PEX26: variants seen among roughly 807,000 people sequenced by gnomAD.
PEX26 encodes the protein peroxisome assembly protein 26.
Under a neutral mutation model 31.4 loss-of-function variants are expected in PEX26, and 18 were observed. That is an observed-to-expected ratio of 0.57 (90% confidence interval 0.40 to 0.85). The LOEUF is 0.85. Among genes scored for constraint, PEX26 ranks in the 40% least tolerant of loss-of-function variants. The pLI, the probability that PEX26 is intolerant of heterozygous loss-of-function variation, is 0.00. For missense variants in PEX26, 377 were observed against 383.9 expected, an observed-to-expected ratio of 0.98 and a Z score of 0.15; for synonymous variants, 176 against 166.9, an observed-to-expected ratio of 1.05 and a Z score of -0.42.
rs1927542386 is a variant in PEX26, at chr22:18,104,119, G to A, written c.*16044G>A. ...GGTTAGGAGGAAAATGCCCAGAAAG[G>A]GGAACAGTTAATCATCTACACAATA... On this transcript the variant is annotated 3_prime_UTR_variant, in exon 5 of 5. Transcript: ENST00000399744. The A allele has an allele frequency of 6.6e-6, 1 of 152,090 alleles. No homozygotes were observed. Among genetic ancestry groups the A allele is most frequent in the Non-Finnish European group, 1.5e-5 (1 of 68,036 alleles). The allele number at this position is 152,090 out of a possible 1,614,324, so 9.4% of individuals were successfully genotyped here. A position where few individuals can be genotyped will look rare whatever the true frequency, so the allele number is the denominator to read the frequency against.
At position 18,083,598 on chromosome 22, in the gene PEX26, A is replaced by G; in HGVS notation, c.533A>G (p.Glu178Gly). 4 of 1,614,084 alleles carry G rather than the reference A, an allele frequency of 2.5e-6. No homozygotes were observed. The highest frequency in any genetic ancestry group is 3.4e-6 in the Non-Finnish European group (4 of 1,179,990). The change falls in exon 3 of 5, where the codon GAG (glutamate) becomes GGG (glycine). Residue 178 changes from glutamate to glycine, a missense_variant. Physicochemically the swap from Glu to Gly is moderately conservative, Grantham distance 98. Coordinates refer to ENST00000399744, the MANE Select transcript of PEX26 (RefSeq NM_001127649.3). Reference sequence around the variant, plus strand: ...CCTCTGGGCTGCTTATCGGAGGCTGAGGAGCTAGTGGTGGGCTCTGCAGCC... The same window carrying G: ...CCTCTGGGCTGCTTATCGGAGGCTGGGGAGCTAGTGGTGGGCTCTGCAGCC... ...LLPLGCLSEA[E>G]ELVVGSAAFG...
chr22:18,078,555 G>A lies in PEX26; in HGVS notation c.179G>A (p.Arg60Gln), dbSNP rs764495911. 1 of 1,592,318 alleles carries A rather than the reference G, an allele frequency of 6.3e-7. No individual in the cohort carries two copies. The highest frequency in any genetic ancestry group is 1.7e-5 in the Admixed American group (1 of 57,624). ...DFRAALETCE[R>Q]AWQSLANHAV... ...CGGGCGGCGCTGGAGACCTGCGAGC[G>A]GGCCTGGCAGAGTCTGGCCAACCAC... Residue 60 changes from arginine to glutamine, a missense_variant, in exon 1 of 5, where the codon CGG becomes CAG. Transcript: ENST00000399744.
At position 18,088,381 on chromosome 22, in the gene PEX26, T is replaced by C; in HGVS notation, c.*306T>C. On this transcript the variant is annotated 3_prime_UTR_variant, in exon 5 of 5. Transcript: ENST00000399744. This position sits in a 1 kb window ranked among gnomAD's most constrained non-coding sequence, Gnocchi z 4.1. ...ACTGTGTCCATGAAACATTCCATCT[T>C]CTTGGTGAAGGCAAGGGGTTGGTTC... is the stretch of plus-strand genomic sequence containing the variant. 4.1e-6 allele frequency: 2 copies of C among 484,692 alleles called. No homozygotes were observed. Among genetic ancestry groups the C allele is most frequent in the Admixed American group, 3.2e-5 (1 of 31,610 alleles). The allele number at this position is 484,692 out of a possible 1,614,324, so 30.0% of individuals were successfully genotyped here. A position where few individuals can be genotyped will look rare whatever the true frequency, so the allele number is the denominator to read the frequency against.
Position 18,085,173 on chromosome 22 carries a change from G to C in PEX26, c.729G>C (p.Ala243=), listed in dbSNP as rs754789197. 2 of 1,614,096 alleles carry C rather than the reference G, an allele frequency of 1.2e-6. No individual in the cohort carries two copies. The highest frequency in any genetic ancestry group is 1.1e-5 in the South Asian group (1 of 91,078). ...PMLVRQLWDS[A]VSHFFSLPFK... ...TGGTTCGCCAGCTTTGGGACTCTGC[G>C]GTGAGCCACTTCTTTTCTCTGCCCT... The change falls in exon 4 of 5, where the codon GCG becomes GCC. Residue 243 remains alanine, a synonymous_variant. Transcript: ENST00000399744.
At position 18,088,141 on chromosome 22, in the gene PEX26, C is replaced by A; in HGVS notation, c.*66C>A. 9.2e-7 allele frequency: 1 copy of A among 1,084,086 alleles called. No individual in the cohort carries two copies. Among genetic ancestry groups the A allele is most frequent in the Non-Finnish European group, 1.4e-6 (1 of 703,238 alleles). The allele number at this position is 1,084,086 out of a possible 1,614,324, so 67.2% of individuals were successfully genotyped here. A position where few individuals can be genotyped will look rare whatever the true frequency, so the allele number is the denominator to read the frequency against. ...TGGCCACAGAAGCAGAGCGACAGAG[C>A]GACACATCCACAGGCGCCCCTGGGG... On this transcript the variant is annotated 3_prime_UTR_variant, in exon 5 of 5. Coordinates refer to ENST00000399744, the MANE Select transcript of PEX26 (RefSeq NM_001127649.3). The surrounding 1 kb of genome is among the most constrained non-coding windows in gnomAD (Gnocchi z 4.1).
At chr22:18,079,798 A>T in intron 1 of PEX26, 76 bp from the exon 2 acceptor site, 1 of 1,533,428 alleles carries the variant, frequency 6.5e-7, no homozygotes, top group Non-Finnish European at 9.0e-7. Context: ...GCTGGAGAGG[A>T]ACAGTCCCAA....
rs1927319068 is a variant in PEX26, at chr22:18,097,128, C to T, written c.*9053C>T. 1 of 152,220 alleles carries T rather than the reference C, an allele frequency of 6.6e-6. No homozygotes were observed. Among genetic ancestry groups the T allele is most frequent in the Non-Finnish European group, 1.5e-5 (1 of 68,056 alleles). 9.4% of individuals were successfully genotyped at this position (152,220 alleles called of 1,614,324 possible). ...TTCCTGTGATCCAGTCACCTCCCACCAGGTCCCTCCTCCGACGTGGGGATT... is the reference window on the plus strand; with the variant it reads ...TTCCTGTGATCCAGTCACCTCCCACTAGGTCCCTCCTCCGACGTGGGGATT... On this transcript the variant is annotated 3_prime_UTR_variant, in exon 5 of 5. Transcript: ENST00000399744.
chr22:18,085,287 T>A (rs1926798871), intron 4 of PEX26, 29 bp downstream of exon 4: 1 of 1,612,028 alleles, frequency 6.2e-7, no homozygotes, highest in African/African-American at 1.3e-5. Flanking sequence ...CCCCTGTCCT[T>A]CCTGGGAAGG....
intron 2 of PEX26, among the ~76,000 whole-genome samples, chr22:18,082,062 G>GTTTTTT (rs10627489): frequency 1.0e-5 from 1 of 99,356 alleles, no homozygotes; most frequent in Non-Finnish European, 2.4e-5. Context: ...TTTGAATCAG[G>GTTTTTT]TTTTTTTTTT....
In PEX26 at chr22:18,089,426, C is replaced by T. The variant is rs1926985718; in HGVS notation, c.*1351C>T. The T allele has an allele frequency of 6.6e-6, 1 of 152,664 alleles. No individual in the cohort carries two copies. 9.5% of individuals were successfully genotyped at this position (152,664 alleles called of 1,614,324 possible). Reference sequence around the variant, plus strand: ...AAACCTTAGGGAGGTGGCACCGAGGCCTTAGCATTTGAGGAGCTGAAATGT... The same window carrying T: ...AAACCTTAGGGAGGTGGCACCGAGGTCTTAGCATTTGAGGAGCTGAAATGT... On this transcript the variant is annotated 3_prime_UTR_variant, in exon 5 of 5. Coordinates refer to ENST00000399744, the MANE Select transcript of PEX26 (RefSeq NM_001127649.3).
Position 18,080,026 on chromosome 22 carries a change from T to C in PEX26, c.371+12T>C, listed in dbSNP as rs771399109. 2.5e-6 allele frequency: 4 copies of C among 1,614,050 alleles called. No individual in the cohort carries two copies. The East Asian group carries it at 8.9e-5, about 36-fold the overall frequency. ...GTCCTGGAGCTGTGGTAAGTCTTCT[T>C]TGCTGACTCATCAGATCGGTTCAGA... On this transcript the variant is annotated intron_variant, in intron 2 of 4. Transcript: ENST00000399744.
rs362041 is a variant in PEX26, at chr22:18,084,237, C to CTTT, written c.667+524_667+526dup. ...GGACAGAAAGTCACCATCTCTCTCT[C>CTTT]TTTTTTTTTTTTTTTTTTTTTGTTT... On this transcript the variant is annotated intron_variant, in intron 3 of 4. Coordinates refer to ENST00000399744, the MANE Select transcript of PEX26 (RefSeq NM_001127649.3). 8.2e-4 allele frequency among the ~76,000 whole-genome samples: 78 copies of CTTT among 95,320 alleles called. 1 individual carries two copies. Among genetic ancestry groups the CTTT allele is most frequent in the African/African-American group, 1.4e-3 (36 of 25,670 alleles). The allele number at this position is 95,320 out of a possible 152,430, so 62.5% of individuals were successfully genotyped here.
At chr22:18,082,864 T>G (rs963684058) in intron 2 of PEX26, among the ~76,000 whole-genome samples, 1 of 152,266 alleles carries the variant, frequency 6.6e-6, no homozygotes, top group Non-Finnish European at 1.5e-5. Flanking sequence ...CCCCTTCAAC[T>G]TCTTTCATCA....
chr22:18,082,013 G>A (rs970544127), intron 2 of PEX26, among the ~76,000 whole-genome samples: 3 of 150,292 alleles, frequency 2.0e-5, no homozygotes, highest in East Asian at 1.9e-4. Flanking sequence ...GCCATGGTAC[G>A]TCGTCTTCTG....
In PEX26 at chr22:18,103,129, T is replaced by A. The variant is rs1446275450; in HGVS notation, c.*15054T>A. The A allele has an allele frequency of 6.9e-6, 1 of 145,838 alleles. No individual in the cohort carries two copies. The highest frequency in any genetic ancestry group is 1.5e-5 in the Non-Finnish European group (1 of 66,874). 9.0% of individuals were successfully genotyped at this position (145,838 alleles called of 1,614,324 possible). A position where few individuals can be genotyped will look rare whatever the true frequency, so the allele number is the denominator to read the frequency against. On this transcript the variant is annotated 3_prime_UTR_variant, in exon 5 of 5. Transcript: ENST00000399744. The stretch of plus-strand genomic sequence containing the variant: ...AAAAAAAAAGGCATGTAAAAGTTAA[T>A]CTCATGGAGGTAGAGAGTAGAATGA...
rs762322317 is a variant in PEX26 at position 18,078,711 on chromosome 22, A to G, written c.230+105A>G. 7 of 1,021,578 alleles carry G rather than the reference A, an allele frequency of 6.9e-6. No individual in the cohort carries two copies. The East Asian group carries it at 1.6e-4, about 23-fold the overall frequency. The allele number at this position is 1,021,578 out of a possible 1,614,324, so 63.3% of individuals were successfully genotyped here. ...CCAGATTGCCCACAAGGAGCTTTACACCTCGCTTTCATCAGTGGTTTGTCT... is the reference window on the plus strand; with the variant it reads ...CCAGATTGCCCACAAGGAGCTTTACGCCTCGCTTTCATCAGTGGTTTGTCT... On this transcript the variant is annotated intron_variant, in intron 1 of 4. Transcript: ENST00000399744.
chr22:18,104,269 C>G lies in PEX26; in HGVS notation c.*16194C>G, dbSNP rs554337781. On this transcript the variant is annotated 3_prime_UTR_variant, in exon 5 of 5. Coordinates refer to ENST00000399744, the MANE Select transcript of PEX26 (RefSeq NM_001127649.3). ...ATGCTGGAGTGCAATGGCGCGATCTCGGCTCACCACAACTTCCACCTCCCA... is the reference window on the plus strand; with the variant it reads ...ATGCTGGAGTGCAATGGCGCGATCTGGGCTCACCACAACTTCCACCTCCCA... The G allele has an allele frequency of 2.0e-5, 3 of 152,358 alleles. No homozygotes were observed. The highest frequency in any genetic ancestry group is 7.2e-5 in the African/African-American group (3 of 41,390). 9.4% of individuals were successfully genotyped at this position (152,358 alleles called of 1,614,324 possible).
chr22:18,078,166 TA>T lies in PEX26; in HGVS notation c.-208del. 1 of 695,662 alleles carries T rather than the reference TA, an allele frequency of 1.4e-6. No individual in the cohort carries two copies. Among genetic ancestry groups the T allele is most frequent in the South Asian group, 1.5e-5 (1 of 66,702 alleles). The allele number at this position is 695,662 out of a possible 1,614,324, so 43.1% of individuals were successfully genotyped here. On this transcript the variant is annotated 5_prime_UTR_variant, in exon 1 of 5. Coordinates refer to ENST00000399744, the MANE Select transcript of PEX26 (RefSeq NM_001127649.3). ...GCAAGAATCCTGCAAATCTGACGTGTAAACTGCTTCCCCAGCCTCCAGGCGA... is the reference window on the plus strand; with the variant it reads ...GCAAGAATCCTGCAAATCTGACGTGTAACTGCTTCCCCAGCCTCCAGGCGA...
Position 18,083,611 on chromosome 22 carries a change from G to A in PEX26, c.546G>A (p.Val182=). Residue 182 remains valine, a synonymous_variant, in exon 3 of 5, where the codon GTG becomes GTA. Coordinates refer to ENST00000399744, the MANE Select transcript of PEX26 (RefSeq NM_001127649.3). ...GCLSEAEELV[V]GSAAFGEERR... Reference sequence around the variant, plus strand: ...TATCGGAGGCTGAGGAGCTAGTGGTGGGCTCTGCAGCCTTTGGTGAGGAGC... The same window carrying A: ...TATCGGAGGCTGAGGAGCTAGTGGTAGGCTCTGCAGCCTTTGGTGAGGAGC... 2.5e-6 allele frequency: 4 copies of A among 1,614,034 alleles called. No homozygotes were observed. The highest frequency in any genetic ancestry group is 1.1e-5 in the South Asian group (1 of 91,068).
Sources: allele counts gnomAD v4.1 joint callset (sites outside exome capture counted in the v4.1 genomes callset), GRCh38; gene constraint gnomAD v4.1.1; non-coding constraint Gnocchi (gnomAD v3.1); transcripts MANE v1.5; gene names NCBI Gene and HGNC (gene_info 2026-07-23, HGNC 2026-07-21).